PTPRS: variants seen among roughly 807,000 people sequenced by gnomAD.
The protein encoded by PTPRS is protein tyrosine phosphatase receptor type S, also known as receptor-type tyrosine-protein phosphatase S.
A neutral mutation model predicts 215.3 loss-of-function variants in PTPRS; 63 were observed. The ratio of observed to expected loss-of-function variants is 0.29; its 90% confidence interval spans 0.24 to 0.36. PTPRS has a LOEUF of 0.36. Among genes scored for constraint, PTPRS ranks in the 10% least tolerant of loss-of-function variants. The pLI is 1.00. For missense variants in PTPRS, 2,258 were observed against 2,825.8 expected (o/e 0.80, Z 4.56); for synonymous variants, 1,404 against 1,191.4 (o/e 1.18, Z -3.68).
chr19:5,306,643 C>T (rs561786760), intron 1 of PTPRS, among the ~76,000 whole-genome samples: 8 of 152,198 alleles, frequency 5.3e-5, no homozygotes, highest in African/African-American at 1.9e-4. Flanking sequence ...TTTTTCCCAA[C>T]CTCACCCAAT....
chr19:5,271,118 G>T (rs143658891), intron 4 of PTPRS, among the ~76,000 whole-genome samples: 1 of 152,304 alleles, frequency 6.6e-6, no homozygotes, highest in African/African-American at 2.4e-5. Context: ...ATCTTGGGAA[G>T]CCACATGCAG....
At chr19:5,290,103 G>C (rs910629120) in intron 1 of PTPRS, among the ~76,000 whole-genome samples, 1 of 152,244 alleles carries the variant, frequency 6.6e-6, no homozygotes, top group Non-Finnish European at 1.5e-5. Flanking sequence ...GAGAAGGAGA[G>C]GGAGTGACCG....
chr19:5,288,527 T>C lies in PTPRS; in HGVS notation c.-94-2293A>G, dbSNP rs576688473. ...CAACGAGGAAGGCGGTGGCCCCAGA[T>C]GGAGAAAACAGCCTGTGGCCAGCTG... On this transcript the variant is annotated intron_variant, in intron 1 of 37. Transcript: ENST00000262963. Among the ~76,000 whole-genome samples the C allele has an allele frequency of 7.2e-5, 11 of 152,278 alleles. No homozygotes were observed. In the East Asian group the frequency reaches 2.1e-3, roughly 29 times the overall value.
At chr19:5,307,454 A>AT (rs1305434398) in intron 1 of PTPRS, among the ~76,000 whole-genome samples, 1 of 152,182 alleles carries the variant, frequency 6.6e-6, no homozygotes, top group African/African-American at 2.4e-5. Context: ...CAGCTGTGAA[A>AT]AGGAATGAGA....
At chr19:5,291,603 CCCGAAAGGT>C (rs1338043780) in intron 1 of PTPRS, among the ~76,000 whole-genome samples, 1 of 152,108 alleles carries the variant, frequency 6.6e-6, no homozygotes, top group Non-Finnish European at 1.5e-5. Context: ...ACCCCCTCTT[CCCGAAAGGT>C]CCTGCAGTTC....
chr19:5,306,167 C>T (rs1387129445), intron 1 of PTPRS, among the ~76,000 whole-genome samples: 47 of 133,480 alleles, frequency 3.5e-4, no homozygotes, highest in African/African-American at 1.1e-3. Flanking sequence ...TTTTTTGAGA[C>T]GGAGTCTCAC....
chr19:5,296,655 T>C (rs2049143140), intron 1 of PTPRS, among the ~76,000 whole-genome samples: 2 of 133,838 alleles, frequency 1.5e-5, no homozygotes, highest in South Asian at 5.0e-4. Flanking sequence ...CCTGGCGTGT[T>C]GGAGGAATGG....
intron 1 of PTPRS, among the ~76,000 whole-genome samples, chr19:5,322,354 G>A (rs1034339962): frequency 2.6e-5 from 4 of 152,176 alleles, no homozygotes; most frequent in Non-Finnish European, 5.9e-5. Context: ...AGGCTGGCCC[G>A]TCAGCGCAGC....
In PTPRS at chr19:5,206,737, G is replaced by T. The variant is rs373371571; in HGVS notation, c.*37C>A. On this transcript the variant is annotated 3_prime_UTR_variant, in exon 38 of 38. Coordinates refer to ENST00000262963, the MANE Select transcript of PTPRS (RefSeq NM_002850.4). ...CCGCCCGGGAGGGGCAGAGGCATCC[G>T]GGGCCAGTGGTGTCGGGCCTGGGGG... is the stretch of plus-strand genomic sequence containing the variant. 1.9e-6 allele frequency: 3 copies of T among 1,592,866 alleles called. No homozygotes were observed. Among genetic ancestry groups the T allele is most frequent in the Non-Finnish European group, 2.6e-6 (3 of 1,161,242 alleles).
At position 5,265,007 on chromosome 19, in the gene PTPRS, C is replaced by G; in HGVS notation, c.568+1G>C. 1 of 1,613,984 alleles carries G rather than the reference C, an allele frequency of 6.2e-7. No homozygotes were observed. The highest frequency in any genetic ancestry group is 8.5e-7 in the Non-Finnish European group (1 of 1,179,944). On this transcript the variant is annotated splice_donor_variant, in intron 5 of 37. Transcript: ENST00000262963. LOFTEE classifies it high-confidence loss of function. Reference sequence around the variant, plus strand: ...ACGTCCTGTCAGCCACCCTCACTCACCTGATCGCAGCTGTTTGATGCGTCC... The same window carrying G: ...ACGTCCTGTCAGCCACCCTCACTCAGCTGATCGCAGCTGTTTGATGCGTCC...
chr19:5,237,260 A>C lies in PTPRS; in HGVS notation c.1849+1659T>G, dbSNP rs1003200934. Among the ~76,000 whole-genome samples the C allele has an allele frequency of 6.6e-6, 1 of 151,962 alleles. No individual in the cohort carries two copies. The highest frequency in any genetic ancestry group is 2.4e-5 in the African/African-American group (1 of 41,368). On this transcript the variant is annotated intron_variant, in intron 13 of 37. Transcript: ENST00000262963. This position sits in a 1 kb window ranked among gnomAD's most constrained non-coding sequence, Gnocchi z 4.2. Reference sequence around the variant, plus strand: ...CGGCTGAGTGGTCTGACCTGCACCTACCCTGTGTTCAGCCTAAGGAGCCCG... The same window carrying C: ...CGGCTGAGTGGTCTGACCTGCACCTCCCCTGTGTTCAGCCTAAGGAGCCCG...
At chr19:5,251,836 G>T (rs759910358) in intron 9 of PTPRS, among the ~76,000 whole-genome samples, 1 of 152,104 alleles carries the variant, frequency 6.6e-6, no homozygotes, top group Admixed American at 6.5e-5. Flanking sequence ...TTAAGCCAGC[G>T]GCCTTAGGTA....
chr19:5,340,486 C>A (rs1374953844), intron 1 of PTPRS, among the ~76,000 whole-genome samples, 178 bp downstream of exon 1: 1 of 151,292 alleles, frequency 6.6e-6, no homozygotes. Context: ...GCTACCGGGG[C>A]GCAGCGGCTG....
rs10412767 is a variant in PTPRS at position 5,277,914 on chromosome 19, C to T, written c.92-3570G>A. 8.5e-4 allele frequency: 1,172 copies of T among 1,379,238 alleles called. 9 individuals carry two copies. The African/African-American group carries it at 0.011, about 12-fold the overall frequency. 85.4% of individuals were successfully genotyped at this position (1,379,238 alleles called of 1,614,324 possible). A position where few individuals can be genotyped will look rare whatever the true frequency, so the allele number is the denominator to read the frequency against. The stretch of plus-strand genomic sequence containing the variant: ...AGATCTTGATGCCCAACAGTGGTTA[C>T]GGGAGCAACAAAAAACAAAGCACAT... On this transcript the variant is annotated intron_variant, in intron 2 of 37. Transcript: ENST00000262963.
intron 1 of PTPRS, among the ~76,000 whole-genome samples, chr19:5,313,180 G>A (rs768348167): frequency 6.6e-6 from 1 of 152,198 alleles, no homozygotes; most frequent in Non-Finnish European, 1.5e-5. Flanking sequence ...GCCTCCCAAA[G>A]TGCTGGGATG....
intron 33 of PTPRS, 64 bp downstream of exon 33, chr19:5,211,526 G>A: frequency 1.3e-6 from 2 of 1,507,272 alleles, no homozygotes; most frequent in East Asian, 2.3e-5. Flanking sequence ...CAAGACTGGA[G>A]GCCTCTTGAG....
chr19:5,273,708 G>C, intron 3 of PTPRS, 125 bp from the exon 4 acceptor site: 1 of 1,186,428 alleles, frequency 8.4e-7, no homozygotes. Context: ...GGGTGACTGG[G>C]AGAATTGCTG....
intron 1 of PTPRS, among the ~76,000 whole-genome samples, chr19:5,290,247 C>T (rs570236794): frequency 1.3e-5 from 2 of 152,338 alleles, no homozygotes; most frequent in Admixed American, 1.3e-4. Context: ...GATGAGGAAA[C>T]TGAGGCTCAC....
At chr19:5,284,631 T>G (rs1339894389) in intron 2 of PTPRS, among the ~76,000 whole-genome samples, 4 of 152,014 alleles carry the variant, frequency 2.6e-5, no homozygotes, top group Admixed American at 6.6e-5. Context: ...GATCTGAATG[T>G]ATAGGGGCAT....
Sources: allele counts gnomAD v4.1 joint callset (sites outside exome capture counted in the v4.1 genomes callset), GRCh38; gene constraint gnomAD v4.1.1; non-coding constraint Gnocchi (gnomAD v3.1); transcripts MANE v1.5; gene names NCBI Gene and HGNC (gene_info 2026-07-23, HGNC 2026-07-21).